OPRM1: variants seen among roughly 807,000 people sequenced by gnomAD.
OPRM1 encodes the protein mu-type opioid receptor.
In OPRM1, 27 loss-of-function variants were observed where a neutral mutation model predicts 31.8. The ratio of observed to expected loss-of-function variants is 0.85; its 90% CI spans 0.63 to 1.17. The LOEUF (loss-of-function observed/expected upper bound fraction) is 1.17, where lower values mean the gene tolerates loss of function less well. Ranked by LOEUF, OPRM1 falls within the 50% of genes most tolerant of loss-of-function variation. The probability of loss-of-function intolerance (pLI) is 0.00; values close to 1 mark genes in which losing one functional copy is unlikely to be tolerated. For synonymous variants in OPRM1, 196 were observed against 189.9 expected (o/e 1.03, Z -0.26); for missense variants, 536 against 511.1 (o/e 1.05, Z -0.47).
chr6:154,145,280 C>A (rs915513454), intron 3 of OPRM1, among the ~76,000 whole-genome samples: 1 of 152,124 alleles, frequency 6.6e-6, no homozygotes, highest in African/African-American at 2.4e-5. Flanking sequence ...ACAAAAAACC[C>A]TCCCAGAACT....
chr6:154,081,603 A>G (rs149899630), intron 1 of OPRM1, among the ~76,000 whole-genome samples: 2,246 of 152,314 alleles, frequency 0.015, 58 homozygotes, highest in African/African-American at 0.049. Flanking sequence ...AGCATTCACT[A>G]TAACGAGAAA....
chr6:154,234,349 G>GAAATTTATT (rs1779951479), intron 3 of OPRM1, among the ~76,000 whole-genome samples: 1 of 152,186 alleles, frequency 6.6e-6, no homozygotes, highest in African/African-American at 2.4e-5. Context: ...TTGCTAAGGA[G>GAAATTTATT]AACTTTATTA....
At chr6:154,058,162 A>G (rs1783693333) in intron 1 of OPRM1, among the ~76,000 whole-genome samples, 1 of 152,216 alleles carries the variant, frequency 6.6e-6, no homozygotes, top group Non-Finnish European at 1.5e-5. Flanking sequence ...ATATGAATGA[A>G]AGAATTAACA....
intron 3 of OPRM1, among the ~76,000 whole-genome samples, chr6:154,154,292 C>T (rs1458041818): frequency 5.3e-5 from 8 of 152,110 alleles, no homozygotes; most frequent in Non-Finnish European, 1.0e-4. Flanking sequence ...AGCTTGTGTA[C>T]CACATTTTGT....
rs1779548377 is a variant in OPRM1, at chr6:154,039,381, C to G, written c.-164C>G. 6.5e-7 allele frequency: 1 copy of G among 1,545,356 alleles called. No homozygotes were observed. The highest frequency in any genetic ancestry group is 8.7e-7 in the Non-Finnish European group (1 of 1,143,144). ...AGAATGTCAGATGCTCAGCTCGGTC[C>G]CCTCCGCCTGACGCTCCTCTCTGTC... On this transcript the variant is annotated 5_prime_UTR_variant, in exon 1 of 4. Transcript: ENST00000330432.
intron 3 of OPRM1, among the ~76,000 whole-genome samples, chr6:154,174,242 T>C (rs938315859): frequency 9.9e-5 from 15 of 152,118 alleles, no homozygotes; most frequent in South Asian, 6.2e-4. Flanking sequence ...AGACCATCAA[T>C]GCTAGGAAGA....
At chr6:154,177,971 G>A (rs1394761851) in intron 3 of OPRM1, among the ~76,000 whole-genome samples, 1 of 152,180 alleles carries the variant, frequency 6.6e-6, no homozygotes, top group Non-Finnish European at 1.5e-5. Context: ...AAAAAAGGAT[G>A]AGTTCATGTC....
intron 3 of OPRM1, among the ~76,000 whole-genome samples, chr6:154,104,751 A>AT (rs1173395425): frequency 6.6e-6 from 1 of 152,194 alleles, no homozygotes; most frequent in Non-Finnish European, 1.5e-5. Flanking sequence ...AAGAATAATT[A>AT]TTTTTCACAT....
rs1295021926 is a variant in OPRM1 at position 154,125,286 on chromosome 6, A to C, written c.*6565A>C. ...GATGGTACCTGAATTTGCCTCTATC[A>C]TGCATCTCAATGATTTGTTGTCATC... On this transcript the variant is annotated 3_prime_UTR_variant, in exon 4 of 4. Transcript: ENST00000330432. Among the ~76,000 whole-genome samples, 2 of 152,202 alleles carry C rather than the reference A, an allele frequency of 1.3e-5. No homozygotes were observed.
At chr6:154,095,503 TCTTC>T (rs1167202419) in intron 3 of OPRM1, among the ~76,000 whole-genome samples, 1 of 152,174 alleles carries the variant, frequency 6.6e-6, no homozygotes, top group Non-Finnish European at 1.5e-5. Context: ...AAATAGGCCT[TCTTC>T]CTTTTCTCCT....
intron 3 of OPRM1, among the ~76,000 whole-genome samples, chr6:154,169,841 C>A (rs1655913594): frequency 6.6e-6 from 1 of 152,192 alleles, no homozygotes; most frequent in South Asian, 2.1e-4. Context: ...CCATTTGGGG[C>A]CAAGGAGACT....
intron 3 of OPRM1, among the ~76,000 whole-genome samples, chr6:154,117,207 C>T (rs1305769126): frequency 6.6e-6 from 1 of 152,190 alleles, no homozygotes; most frequent in African/African-American, 2.4e-5. Flanking sequence ...TCCCTGAATC[C>T]AGCTTATGAG....
At chr6:154,158,679 C>T (rs1367686687) in intron 3 of OPRM1, 1 of 152,052 alleles carries the variant, frequency 6.6e-6, no homozygotes, top group Non-Finnish European at 1.5e-5. Context: ...ATCATAACAC[C>T]AGTGAATCAA....
At chr6:154,034,769 G>A (rs1441132578), upstream of OPRM1, among the ~76,000 whole-genome samples, 27 of 152,080 alleles carry the variant, frequency 1.8e-4, no homozygotes, top group Non-Finnish European at 1.5e-5. Context: ...TAGGGTAATG[G>A]CAAACCTCTG....
intron 1 of OPRM1, among the ~76,000 whole-genome samples, chr6:154,083,909 A>C (rs1789805599): frequency 7.3e-6 from 1 of 136,510 alleles, no homozygotes; most frequent in South Asian, 2.4e-4. Context: ...GCGCCACTGC[A>C]CTCCAGCCTG....
chr6:154,024,822 G>A (rs1778596151), intron 1 of OPRM1, among the ~76,000 whole-genome samples: 1 of 151,538 alleles, frequency 6.6e-6, no homozygotes, highest in African/African-American at 2.4e-5. Flanking sequence ...GGAATATATT[G>A]TTTAATTTCC....
chr6:154,121,846 G>T lies in OPRM1; in HGVS notation c.*3125G>T, dbSNP rs1351849928. Among the ~76,000 whole-genome samples the T allele has an allele frequency of 6.6e-6, 1 of 152,082 alleles. No homozygotes were observed. Among genetic ancestry groups the T allele is most frequent in the East Asian group, 1.9e-4 (1 of 5,198 alleles). On this transcript the variant is annotated 3_prime_UTR_variant, in exon 4 of 4. Transcript: ENST00000330432. ...TTACTTAAGTCAAGTCTATTTATACGTTTAAAAGCTAAAAACAAGATCTTT... is the reference window on the plus strand; with the variant it reads ...TTACTTAAGTCAAGTCTATTTATACTTTTAAAAGCTAAAAACAAGATCTTT...
intron 3 of OPRM1, chr6:154,091,825 A>G (rs1270499995): frequency 5.9e-6 from 6 of 1,017,076 alleles, no homozygotes; most frequent in Non-Finnish European, 7.1e-6. Context: ...TATATAATTC[A>G]TAGATGTTGC....
intron 3 of OPRM1, among the ~76,000 whole-genome samples, chr6:154,238,200 T>G (rs568408326): frequency 6.6e-6 from 1 of 152,308 alleles, no homozygotes; most frequent in African/African-American, 2.4e-5. Flanking sequence ...AAACAAATGC[T>G]TGGAAACACA....
Sources: gnomAD v4.1 joint callset for allele counts (sites outside exome capture counted in the v4.1 genomes callset) on GRCh38, gnomAD v4.1.1 for gene constraint, MANE v1.5 for transcripts, NCBI Gene and HGNC (gene_info 2026-07-23, HGNC 2026-07-21) for gene names.